The following NRG1 variants were observed in gnomAD, a reference collection of about 807,000 sequenced individuals.
The protein encoded by NRG1 is neuregulin 1.
NRG1 carries 18 observed loss-of-function variants against 63.8 expected under a neutral mutation model. The ratio of observed to expected loss-of-function variants is 0.28; its 90% CI spans 0.19 to 0.42. The LOEUF (loss-of-function observed/expected upper bound fraction) is 0.42, where lower values mean the gene tolerates loss of function less well. NRG1 is among the 10% of genes least tolerant of loss of function. NRG1 has a pLI of 1.00. For missense variants in NRG1, 762 were observed against 814.7 expected (o/e 0.94, Z 0.79); for synonymous variants, 302 against 301.3 (o/e 1.00, Z -0.02).
chr8:32,320,507 G>T (rs1308398901), intron 1 of NRG1, among the ~76,000 whole-genome samples: 1 of 152,162 alleles, frequency 6.6e-6, no homozygotes, highest in African/African-American at 2.4e-5. Flanking sequence ...CATGGCAGAA[G>T]GTGAAGAGGA....
intron 5 of NRG1, among the ~76,000 whole-genome samples, chr8:32,640,245 T>TCACACATACACA (rs1554614827): frequency 6.8e-6 from 1 of 147,530 alleles, no homozygotes; most frequent in Non-Finnish European, 1.5e-5. Context: ...CTTCTTTTTG[T>TCACACATACACA]CACACACACA....
intron 1 of NRG1, among the ~76,000 whole-genome samples, chr8:32,203,883 A>G (rs1425347785): frequency 1.3e-5 from 2 of 152,214 alleles, no homozygotes; most frequent in Non-Finnish European, 2.9e-5. Context: ...AGTAATACCC[A>G]TGGATAGTTC....
At chr8:32,583,512 C>T (rs1346179483) in intron 1 of NRG1, among the ~76,000 whole-genome samples, 4 of 152,308 alleles carry the variant, frequency 2.6e-5, no homozygotes, top group Non-Finnish European at 2.9e-5. Flanking sequence ...AATTAACCTT[C>T]TTTCTAAGTA....
chr8:32,323,027 A>T (rs1031455641), intron 1 of NRG1, among the ~76,000 whole-genome samples: 1 of 152,160 alleles, frequency 6.6e-6, no homozygotes, highest in Non-Finnish European at 1.5e-5. Flanking sequence ...ATGGCCCTCG[A>T]TACAGTCATT....
At chr8:31,845,642 A>C (rs149070001) in intron 1 of NRG1, among the ~76,000 whole-genome samples, 4 of 152,246 alleles carry the variant, frequency 2.6e-5, no homozygotes, top group Non-Finnish European at 4.4e-5. Context: ...GTTGCTAATT[A>C]GTAGATTAGA....
At chr8:32,591,711 A>G (rs1343201692) in intron 1 of NRG1, among the ~76,000 whole-genome samples, 1 of 152,212 alleles carries the variant, frequency 6.6e-6, no homozygotes, top group Non-Finnish European at 1.5e-5. Context: ...AATATTTACA[A>G]GAATTTCTTT....
intron 1 of NRG1, among the ~76,000 whole-genome samples, chr8:31,907,949 G>A (rs1158368550): frequency 6.6e-6 from 1 of 152,058 alleles, no homozygotes; most frequent in South Asian, 2.1e-4. Flanking sequence ...CTCAACTAAT[G>A]TCTGTTAATT....
chr8:32,025,722 C>T (rs893174296), intron 1 of NRG1, among the ~76,000 whole-genome samples: 2 of 151,896 alleles, frequency 1.3e-5, no homozygotes, highest in Non-Finnish European at 2.9e-5. Context: ...CCGAGGCGGG[C>T]GGATCACGAG....
At chr8:32,302,403 A>G (rs1369696900) in intron 1 of NRG1, among the ~76,000 whole-genome samples, 1 of 152,218 alleles carries the variant, frequency 6.6e-6, no homozygotes, top group African/African-American at 2.4e-5. Flanking sequence ...AAAAGGGAGA[A>G]ATAATAAACG....
At chr8:32,757,640 A>G (rs1395013866) in intron 9 of NRG1, among the ~76,000 whole-genome samples, 1 of 152,214 alleles carries the variant, frequency 6.6e-6, no homozygotes, top group African/African-American at 2.4e-5. Context: ...TACAAAAGGA[A>G]CTATAATCTG....
chr8:31,886,344 AT>A (rs1585507358), intron 1 of NRG1, among the ~76,000 whole-genome samples: 1 of 151,968 alleles, frequency 6.6e-6, no homozygotes, highest in Non-Finnish European at 1.5e-5. Context: ...GTTTTAGTGT[AT>A]TTTTTTCTAT....
chr8:32,657,835 G>A (rs1350833741), intron 5 of NRG1, among the ~76,000 whole-genome samples: 3 of 152,090 alleles, frequency 2.0e-5, no homozygotes, highest in African/African-American at 4.8e-5. Context: ...GCAGAGTTCA[G>A]GGTTACTACT....
intron 1 of NRG1, among the ~76,000 whole-genome samples, chr8:31,764,525 T>C (rs2131536759): frequency 6.6e-6 from 1 of 152,302 alleles, no homozygotes; most frequent in South Asian, 2.1e-4. Flanking sequence ...TTCCTCCCAC[T>C]TCATAATTAA....
chr8:32,111,361 C>T (rs946548171), intron 1 of NRG1, among the ~76,000 whole-genome samples: 1 of 152,162 alleles, frequency 6.6e-6, no homozygotes, highest in African/African-American at 2.4e-5. Context: ...AAGTGATGAG[C>T]TTACCTTGGC....
chr8:32,275,202 C>T (rs1450549718), intron 1 of NRG1, among the ~76,000 whole-genome samples: 1 of 152,156 alleles, frequency 6.6e-6, no homozygotes, highest in South Asian at 2.1e-4. Flanking sequence ...AGGAATTTGT[C>T]GCATGGGACT....
At chr8:32,136,743 T>A (rs1181483649) in intron 1 of NRG1, 1 of 152,304 alleles carries the variant, frequency 6.6e-6, no homozygotes, top group African/African-American at 2.4e-5. Context: ...TGGGGTAAAG[T>A]GCCGATAGGT....
intron 1 of NRG1, among the ~76,000 whole-genome samples, chr8:32,059,220 T>C (rs567441318): frequency 6.6e-6 from 1 of 152,034 alleles, no homozygotes; most frequent in South Asian, 2.1e-4. Flanking sequence ...CTGCATCATA[T>C]CTTCATATAT....
At chr8:32,171,696 T>G (rs1019890834) in intron 1 of NRG1, among the ~76,000 whole-genome samples, 1 of 152,124 alleles carries the variant, frequency 6.6e-6, no homozygotes, top group Non-Finnish European at 1.5e-5. Flanking sequence ...ACCAGGAGAT[T>G]ATATCCCACG....
intron 1 of NRG1, among the ~76,000 whole-genome samples, chr8:32,020,772 T>C (rs1332393437): frequency 6.6e-6 from 1 of 152,252 alleles, no homozygotes; most frequent in Non-Finnish European, 1.5e-5. Flanking sequence ...TATTTCACTT[T>C]CAACTCTAGA....
Sources: allele counts gnomAD v4.1 joint callset (sites outside exome capture counted in the v4.1 genomes callset), GRCh38; gene constraint gnomAD v4.1.1; transcripts MANE v1.5; gene names NCBI Gene and HGNC (gene_info 2026-07-23, HGNC 2026-07-21).